PPEF1: variants seen among roughly 807,000 people sequenced by gnomAD.
PPEF1 encodes protein phosphatase with EF-hand domain 1.
In PPEF1, 12 loss-of-function variants were observed where a neutral mutation model predicts 53.3. The ratio of observed to expected loss-of-function variants is 0.23; its 90% confidence interval spans 0.14 to 0.36. The LOEUF is 0.36. PPEF1 is among the 10% of genes least tolerant of loss of function. The probability of loss-of-function intolerance (pLI) is 1.00; values close to 1 mark genes in which losing one functional copy is unlikely to be tolerated. For synonymous variants in PPEF1, 165 were observed against 176.7 expected, an observed-to-expected ratio of 0.93 and a Z score of 0.52; for missense variants, 334 against 490.4, an observed-to-expected ratio of 0.68 and a Z score of 3.01.
chrX:18,755,189 T>TA (rs781466718), intron 4 of PPEF1, among the ~76,000 whole-genome samples: 2,682 of 104,958 alleles, frequency 0.026, 77 homozygotes, highest in African/African-American at 0.084. Context: ...GTGTACAGAG[T>TA]AAAAAAAAAA....
intron 12 of PPEF1, among the ~76,000 whole-genome samples, chrX:18,815,903 ATTT>A (rs201428145): frequency 3.8e-4 from 36 of 95,189 alleles, no homozygotes; most frequent in African/African-American, 1.3e-3. Context: ...TTATTTATTT[ATTT>A]TTTTTTTTTT....
intron 4 of PPEF1, among the ~76,000 whole-genome samples, chrX:18,751,615 A>G (rs2045445751): frequency 9.0e-6 from 1 of 111,398 alleles, no homozygotes; most frequent in Non-Finnish European, 1.9e-5. Context: ...CCCTGTCTCT[A>G]CTAAAAATAC....
chrX:18,707,853 T>A (rs1382322872), intron 1 of PPEF1, 27 bp downstream of exon 1: 7 of 1,187,802 alleles, frequency 5.9e-6, no homozygotes, highest in Non-Finnish European at 6.9e-6. Context: ...TGCCTGTGGT[T>A]ATGAATGAAA....
intron 4 of PPEF1, among the ~76,000 whole-genome samples, chrX:18,694,919 C>A (rs769019522): frequency 8.9e-6 from 1 of 112,210 alleles, no homozygotes; most frequent in Non-Finnish European, 1.9e-5. Context: ...CTGTTATTTA[C>A]TTTTCAGAGT....
At chrX:18,747,978 C>T (rs1348366667) in intron 3 of PPEF1, among the ~76,000 whole-genome samples, 1 of 111,652 alleles carries the variant, frequency 9.0e-6, no homozygotes, top group East Asian at 2.8e-4. Context: ...TATCCAAGAA[C>T]GACTACCAAA....
chrX:18,725,158 C>T (rs1412557306), intron 1 of PPEF1, among the ~76,000 whole-genome samples: 1 of 111,072 alleles, frequency 9.0e-6, no homozygotes, highest in Non-Finnish European at 1.9e-5. Context: ...ATTTTTCCCA[C>T]CCCTCTGAGA....
intron 5 of PPEF1, among the ~76,000 whole-genome samples, chrX:18,759,150 T>G (rs1356151383): frequency 9.0e-6 from 1 of 111,451 alleles, no homozygotes; most frequent in African/African-American, 3.3e-5. Flanking sequence ...TGGTTAAAGA[T>G]TTCCACATCT....
chrX:18,741,365 A>T (rs535812716), intron 3 of PPEF1, among the ~76,000 whole-genome samples: 45 of 112,018 alleles, frequency 4.0e-4, no homozygotes, highest in African/African-American at 1.4e-3. Context: ...CAGCCCGGAG[A>T]TGTCTACTCA....
chrX:18,749,224 C>T (rs1051674370), intron 3 of PPEF1, among the ~76,000 whole-genome samples: 4 of 111,693 alleles, frequency 3.6e-5, no homozygotes, highest in Non-Finnish European at 5.6e-5. Flanking sequence ...TGTCCTTTAA[C>T]TTTATCTGCT....
intron 4 of PPEF1, among the ~76,000 whole-genome samples, chrX:18,695,151 G>A (rs181069935): frequency 1.8e-5 from 2 of 112,215 alleles, no homozygotes; most frequent in Admixed American, 9.4e-5. Context: ...TTCCAAGCCC[G>A]TATGGTTGTT....
At chrX:18,826,704 G>T (rs2047177005) in intron 15 of PPEF1, among the ~76,000 whole-genome samples, 1 of 109,910 alleles carries the variant, frequency 9.1e-6, no homozygotes, top group Non-Finnish European at 1.9e-5. Flanking sequence ...GGGATTACAG[G>T]CGTGAGCCAC....
intron 10 of PPEF1, among the ~76,000 whole-genome samples, chrX:18,797,674 A>G (rs186683254): frequency 4.4e-4 from 49 of 110,824 alleles, no homozygotes; most frequent in Non-Finnish European, 7.9e-4. Flanking sequence ...AGTAAATGAT[A>G]TGATATCTTA....
chrX:18,733,768 C>T lies in PPEF1; in HGVS notation c.195C>T (p.Phe65=), dbSNP rs1362747408. 1 of 1,193,730 alleles carries T rather than the reference C, an allele frequency of 8.4e-7. No homozygotes were observed. Among genetic ancestry groups the T allele is most frequent in the Admixed American group, 2.3e-5 (1 of 43,483 alleles). The change falls in exon 3 of 16, where the codon TTC becomes TTT. Residue 65 remains phenylalanine, a synonymous_variant. Transcript: ENST00000470157. The part of the protein sequence containing the change: ...GQMQLSTFFS[F]MLENYTHIHK... ...TCCAGTTATCCACCTTCTTTTCCTT[C>T]ATGTTGGAAAACTACACACATATAC...
chrX:18,689,801 G>A (rs903021596), intron 3 of PPEF1, among the ~76,000 whole-genome samples: 4 of 110,949 alleles, frequency 3.6e-5, no homozygotes, highest in African/African-American at 9.9e-5. Flanking sequence ...TAAGAGCTTC[G>A]GCTTTAGTAA....
At chrX:18,772,115 C>T (rs143129420) in intron 6 of PPEF1, among the ~76,000 whole-genome samples, 25 of 111,716 alleles carry the variant, frequency 2.2e-4, no homozygotes, top group Admixed American at 1.0e-3. Context: ...CATCACTGCA[C>T]TCCAATGTAG....
intron 3 of PPEF1, among the ~76,000 whole-genome samples, chrX:18,745,868 A>G (rs141278030): frequency 7.9e-4 from 89 of 112,475 alleles, no homozygotes; most frequent in Middle Eastern, 4.6e-3. Context: ...ATCCAGATTC[A>G]TAACTGAGAA....
At chrX:18,681,616 C>T (rs1266488318), upstream of PPEF1, among the ~76,000 whole-genome samples, 2 of 111,599 alleles carry the variant, frequency 1.8e-5, no homozygotes, top group African/African-American at 3.3e-5. Flanking sequence ...CTTACTATTG[C>T]GTTATATTAG....
chrX:18,779,201 C>T, intron 7 of PPEF1, 25 bp downstream of exon 7: 1 of 1,163,984 alleles, frequency 8.6e-7, no homozygotes, highest in Admixed American at 2.4e-5. Context: ...TAGATTTTCT[C>T]TTTTAAAAGT....
At chrX:18,721,753 G>A (rs949796478) in intron 1 of PPEF1, among the ~76,000 whole-genome samples, 2 of 111,956 alleles carry the variant, frequency 1.8e-5, no homozygotes, top group Non-Finnish European at 3.8e-5. Flanking sequence ...TACATAGAAT[G>A]TTGTAGAAAT....
Sources: gnomAD v4.1 joint callset for allele counts (sites outside exome capture counted in the v4.1 genomes callset) on GRCh38, gnomAD v4.1.1 for gene constraint, MANE v1.5 for transcripts, NCBI Gene and HGNC (gene_info 2026-07-23, HGNC 2026-07-21) for gene names.